The following HDHD2 variants were observed in gnomAD, a reference collection of about 807,000 sequenced individuals.
The protein encoded by HDHD2 is haloacid dehalogenase like hydrolase domain containing 2, also known as haloacid dehalogenase-like hydrolase domain-containing protein 2.
HDHD2 carries 26 observed loss-of-function variants against 24.8 expected under a neutral mutation model. The ratio of observed to expected loss-of-function variants is 1.05; its 90% confidence interval spans 0.77 to 1.45. The LOEUF (loss-of-function observed/expected upper bound fraction) is 1.45, where lower values mean the gene tolerates loss of function less well. Ranked by LOEUF, HDHD2 falls within the 40% of genes most tolerant of loss-of-function variation. The pLI is 0.00. For synonymous variants in HDHD2, 128 were observed against 114.9 expected, an observed-to-expected ratio of 1.11 and a Z score of -0.73; for missense variants, 299 against 313.4, an observed-to-expected ratio of 0.95 and a Z score of 0.35.
chr18:47,121,313 A>G (rs2063604750), intron 4 of HDHD2, among the ~76,000 whole-genome samples: 1 of 152,020 alleles, frequency 6.6e-6, no homozygotes, highest in African/African-American at 2.4e-5. Flanking sequence ...CCACTCCCCA[A>G]AAGTGTTTCT....
intron 1 of HDHD2, among the ~76,000 whole-genome samples, chr18:47,140,861 G>A (rs912535880): frequency 2.6e-5 from 4 of 152,014 alleles, no homozygotes; most frequent in African/African-American, 9.7e-5. Context: ...AAACAAAATT[G>A]TCACTTGTAG....
intron 1 of HDHD2, among the ~76,000 whole-genome samples, chr18:47,139,104 A>C (rs887218515): frequency 6.6e-6 from 1 of 151,358 alleles, no homozygotes; most frequent in African/African-American, 2.4e-5. Flanking sequence ...CTCACTGGGG[A>C]CTCTTCCAGA....
intron 4 of HDHD2, among the ~76,000 whole-genome samples, chr18:47,117,648 A>C (rs1329135750): frequency 6.6e-6 from 1 of 152,202 alleles, no homozygotes; most frequent in Non-Finnish European, 1.5e-5. Context: ...CAGAGATAAT[A>C]TGTCAGCAGA....
chr18:47,146,332 C>G (rs2063870145), intron 1 of HDHD2, among the ~76,000 whole-genome samples: 3 of 151,720 alleles, frequency 2.0e-5, no homozygotes, highest in African/African-American at 7.3e-5. Flanking sequence ...ACAGTGAGAT[C>G]AATGCACCAA....
Position 47,150,465 on chromosome 18 carries a change from G to T in HDHD2, c.-98C>A, listed in dbSNP as rs1196360253. Reference sequence around the variant, plus strand: ...TGGCCGCGGGTCCTCAGCCGGGATAGACAGCCCCGCTGCTGCCCGACGGAC... The same window carrying T: ...TGGCCGCGGGTCCTCAGCCGGGATATACAGCCCCGCTGCTGCCCGACGGAC... On this transcript the variant is annotated 5_prime_UTR_variant, in exon 1 of 7. Transcript: ENST00000300605. 4 of 152,372 alleles carry T rather than the reference G, an allele frequency of 2.6e-5. No individual in the cohort carries two copies. Among genetic ancestry groups the T allele is most frequent in the Admixed American group, 2.6e-4 (4 of 15,290 alleles). 9.4% of individuals were successfully genotyped at this position (152,372 alleles called of 1,614,324 possible). A position where few individuals can be genotyped will look rare whatever the true frequency, so the allele number is the denominator to read the frequency against.
At chr18:47,114,960 G>A (rs1160141181) in intron 5 of HDHD2, among the ~76,000 whole-genome samples, 172 bp downstream of exon 5, 1 of 151,980 alleles carries the variant, frequency 6.6e-6, no homozygotes, top group African/African-American at 2.4e-5. Context: ...CAGTTCTTTA[G>A]AAGAATACCA....
rs146515321 is a variant in HDHD2, at chr18:47,140,762, C to T, written c.-10-4313G>A. ...CAACTCCTAAGCTCAAGTGATCCTC[C>T]CACCTTGGCCTTCCAAAGTGCTGAG... On this transcript the variant is annotated intron_variant, in intron 1 of 6. Coordinates refer to ENST00000300605, the MANE Select transcript of HDHD2 (RefSeq NM_032124.5). Among the ~76,000 whole-genome samples the T allele has an allele frequency of 2.4e-3, 366 of 152,244 alleles. 2 individuals are homozygous for T. Among genetic ancestry groups the T allele is most frequent in the African/African-American group, 8.3e-3 (344 of 41,552 alleles).
At chr18:47,110,454 A>G in intron 6 of HDHD2, 3 of 985,064 alleles carry the variant, frequency 3.0e-6, no homozygotes, top group Non-Finnish European at 3.6e-6. Context: ...TCTTACAGGT[A>G]AGTTAATGAC....
chr18:47,129,022 G>A (rs918399745), intron 4 of HDHD2, among the ~76,000 whole-genome samples: 4 of 151,450 alleles, frequency 2.6e-5, no homozygotes, highest in Non-Finnish European at 5.9e-5. Flanking sequence ...TAGCATTCTT[G>A]CAGTTAAATA....
intron 6 of HDHD2, chr18:47,109,730 C>T (rs2063500730): frequency 6.5e-6 from 1 of 154,132 alleles, no homozygotes; most frequent in Admixed American, 6.5e-5. Context: ...ACCCCACCTT[C>T]CCATCCAAAT....
intron 6 of HDHD2, chr18:47,111,173 C>G (rs1167205639): frequency 7.1e-6 from 7 of 985,024 alleles, no homozygotes; most frequent in Non-Finnish European, 8.4e-6. Flanking sequence ...ACTAATTACA[C>G]ATTTTGGACT....
At chr18:47,114,769 G>C (rs2144285800) in intron 5 of HDHD2, among the ~76,000 whole-genome samples, 2 of 152,156 alleles carry the variant, frequency 1.3e-5, no homozygotes, top group Middle Eastern at 6.8e-3. Flanking sequence ...CATTTGTGCA[G>C]CATTGTTTCT....
chr18:47,108,746 G>T lies in HDHD2; in HGVS notation c.716C>A (p.Pro239His). The change falls in exon 7 of 7, where the codon CCT becomes CAT. Residue 239 changes from proline (P) to histidine (H), a missense_variant. Coordinates refer to ENST00000300605, the MANE Select transcript of HDHD2 (RefSeq NM_032124.5). ...RASDEEKINPPPYLTCESFPH... is the reference protein window; with the variant it reads ...RASDEEKINPHPYLTCESFPH... ...GAAACTCTCACAAGTTAAGTAAGGA[G>T]GTGGATTAATTTTTTCTTCATCTGA... 6.2e-7 allele frequency: 1 copy of T among 1,611,232 alleles called. No individual in the cohort carries two copies. Among genetic ancestry groups the T allele is most frequent in the Non-Finnish European group, 8.5e-7 (1 of 1,177,906 alleles).
chr18:47,130,433 A>G (rs910801905), intron 3 of HDHD2, 105 bp from the exon 4 acceptor site: 7 of 713,272 alleles, frequency 9.8e-6, no homozygotes, highest in East Asian at 5.1e-5. Context: ...TGCTGTATCC[A>G]TAATTTAAAA....
intron 4 of HDHD2, among the ~76,000 whole-genome samples, chr18:47,125,671 T>C (rs1484507817): frequency 1.3e-5 from 2 of 152,210 alleles, no homozygotes; most frequent in Non-Finnish European, 2.9e-5. Flanking sequence ...TTCATTCATA[T>C]GAAGATTAAG....
At chr18:47,127,560 T>A (rs2063670983) in intron 4 of HDHD2, among the ~76,000 whole-genome samples, 1 of 152,178 alleles carries the variant, frequency 6.6e-6, no homozygotes, top group Non-Finnish European at 1.5e-5. Context: ...TATAAGTGAC[T>A]TGTTTGTCTT....
intron 1 of HDHD2, among the ~76,000 whole-genome samples, chr18:47,141,284 A>T (rs550129339): frequency 6.6e-6 from 1 of 152,228 alleles, no homozygotes; most frequent in Admixed American, 6.5e-5. Flanking sequence ...CACAAATCCA[A>T]TGCAGTCCTG....
intron 4 of HDHD2, 103 bp downstream of exon 4, chr18:47,130,140 AG>A (rs2063698889): frequency 1.6e-6 from 1 of 644,008 alleles, no homozygotes; most frequent in Admixed American, 2.9e-5. Context: ...TGTACAATTT[AG>A]GTGGCCAGAA....
At position 47,134,641 on chromosome 18, in the gene HDHD2, G is replaced by A; in HGVS notation, c.165C>T (p.Asp55=). The A allele has an allele frequency of 6.2e-7, 1 of 1,614,042 alleles. No homozygotes were observed. The highest frequency in any genetic ancestry group is 8.5e-7 in the Non-Finnish European group (1 of 1,179,984). Residue 55 remains aspartate, a synonymous_variant, in exon 3 of 7, where the codon GAC becomes GAT. Coordinates refer to ENST00000300605, the MANE Select transcript of HDHD2 (RefSeq NM_032124.5). ...CCAATTTTCTCAACCTTTCTAACAG[G>A]TCTTGCTTGCTCTCTTTGGTTGTAT... ...VTNTTKESKQ[D]LLERLRKLEF...
Sources: allele counts gnomAD v4.1 joint callset (sites outside exome capture counted in the v4.1 genomes callset), GRCh38; gene constraint gnomAD v4.1.1; transcripts MANE v1.5; gene names NCBI Gene and HGNC (gene_info 2026-07-23, HGNC 2026-07-21).